Variants in CACNA2D1 observed in about 807,000 individuals in gnomAD.
CACNA2D1 encodes voltage-dependent calcium channel subunit alpha-2/delta-1.
Under a neutral mutation model 171.5 loss-of-function variants are expected in CACNA2D1, and 53 were observed. That is an observed-to-expected ratio of 0.31 (90% confidence interval 0.25 to 0.39). CACNA2D1 has a LOEUF of 0.39. CACNA2D1 is among the 10% of genes least tolerant of loss of function. The pLI is 1.00. For synonymous variants in CACNA2D1, 442 were observed against 443.1 expected (o/e 1.00, Z 0.03); for missense variants, 903 against 1,299.8 (o/e 0.69, Z 4.69).
intron 37 of CACNA2D1, 145 bp from the exon 38 acceptor site, chr7:81,959,502 T>C: frequency 2.6e-6 from 2 of 779,594 alleles, no homozygotes; most frequent in Non-Finnish European, 4.4e-6. Context: ...TACATAGGGA[T>C]TTAAAGAACT....
intron 1 of CACNA2D1, among the ~76,000 whole-genome samples, chr7:82,419,498 CA>C (rs1447971903): frequency 6.6e-6 from 1 of 152,148 alleles, no homozygotes; most frequent in Non-Finnish European, 1.5e-5. Flanking sequence ...TGTTTCACTG[CA>C]AAATTTTCCT....
chr7:82,178,725 C>G (rs1047887123), intron 3 of CACNA2D1, among the ~76,000 whole-genome samples: 1 of 152,086 alleles, frequency 6.6e-6, no homozygotes, highest in African/African-American at 2.4e-5. Flanking sequence ...TATAATTATC[C>G]TGAGACAACA....
At chr7:82,335,375 A>T in intron 2 of CACNA2D1, 124 bp from the exon 3 acceptor site, 1 of 693,844 alleles carries the variant, frequency 1.4e-6, no homozygotes, top group Non-Finnish European at 2.5e-6. Context: ...CTTTATCTTG[A>T]TCTTTTTGGA....
chr7:82,081,752 C>T (rs945162099), intron 7 of CACNA2D1, among the ~76,000 whole-genome samples: 3 of 152,128 alleles, frequency 2.0e-5, no homozygotes, highest in African/African-American at 4.8e-5. Context: ...CCGGGTTCAC[C>T]GCAGGAGACA....
intron 3 of CACNA2D1, among the ~76,000 whole-genome samples, chr7:82,235,155 A>T (rs972981161): frequency 1.3e-5 from 2 of 152,202 alleles, no homozygotes; most frequent in East Asian, 1.9e-4. Flanking sequence ...TTTTTTTTAA[A>T]ATTAAAATTA....
intron 4 of CACNA2D1, among the ~76,000 whole-genome samples, chr7:82,161,553 A>T (rs1584960833): frequency 6.6e-6 from 1 of 152,044 alleles, no homozygotes; most frequent in South Asian, 2.1e-4. Context: ...TTGCAGATTA[A>T]CTACATGTGG....
chr7:82,242,309 C>T lies in CACNA2D1; in HGVS notation c.295-71700G>A, dbSNP rs147946429. Among the ~76,000 whole-genome samples, 323 of 152,106 alleles carry T rather than the reference C, an allele frequency of 2.1e-3. 1 individual carries two copies. Among genetic ancestry groups the T allele is most frequent in the African/African-American group, 7.3e-3 (301 of 41,502 alleles). ...CAATATATTTTAATCAATTCTCTAG[C>T]CTATCTGAGACATATTCAGAAGAAA... On this transcript the variant is annotated intron_variant, in intron 3 of 38. Coordinates refer to ENST00000356860, the MANE Select transcript of CACNA2D1 (RefSeq NM_000722.4).
At chr7:82,397,920 G>T (rs759651422) in intron 1 of CACNA2D1, among the ~76,000 whole-genome samples, 1 of 152,050 alleles carries the variant, frequency 6.6e-6, no homozygotes, top group Non-Finnish European at 1.5e-5. Flanking sequence ...GGGGAAAAGA[G>T]CAAACTGGGT....
At chr7:82,093,158 A>T (rs921813406) in intron 6 of CACNA2D1, among the ~76,000 whole-genome samples, 7 of 152,194 alleles carry the variant, frequency 4.6e-5, no homozygotes, top group Non-Finnish European at 8.8e-5. Context: ...TCTTTCTGTC[A>T]GAAGTAACCA....
chr7:82,371,374 A>G (rs929507521), intron 1 of CACNA2D1, among the ~76,000 whole-genome samples: 2 of 152,200 alleles, frequency 1.3e-5, no homozygotes, highest in African/African-American at 4.8e-5. Flanking sequence ...TTTAAAAATT[A>G]GGCCAGTAAT....
chr7:82,206,635 TC>T (rs1800028038), intron 3 of CACNA2D1, among the ~76,000 whole-genome samples: 2 of 152,156 alleles, frequency 1.3e-5, no homozygotes, highest in African/African-American at 4.8e-5. Context: ...AGGCTTATTA[TC>T]TTTTTTCTAG....
chr7:82,104,824 T>C (rs559354288), intron 6 of CACNA2D1, among the ~76,000 whole-genome samples: 1 of 152,128 alleles, frequency 6.6e-6, no homozygotes, highest in Non-Finnish European at 1.5e-5. Context: ...GTGATGTGAC[T>C]ACAATATATC....
At chr7:82,243,148 T>C (rs932933729) in intron 3 of CACNA2D1, among the ~76,000 whole-genome samples, 3 of 152,196 alleles carry the variant, frequency 2.0e-5, no homozygotes, top group Non-Finnish European at 4.4e-5. Context: ...TTTTGTTTTA[T>C]AATGAAACCA....
chr7:82,221,892 A>G (rs376491231), intron 3 of CACNA2D1, among the ~76,000 whole-genome samples: 140 of 152,088 alleles, frequency 9.2e-4, no homozygotes, highest in African/African-American at 3.2e-3. Flanking sequence ...TGACATGAAG[A>G]AAAAAACTCA....
intron 1 of CACNA2D1, among the ~76,000 whole-genome samples, chr7:82,428,113 A>T (rs1188072339): frequency 1.3e-5 from 2 of 152,134 alleles, no homozygotes; most frequent in South Asian, 2.1e-4. Flanking sequence ...TAAATAAAAA[A>T]AAAACAAACA....
At chr7:82,059,923 A>C (rs1222697002) in intron 10 of CACNA2D1, among the ~76,000 whole-genome samples, 11 of 117,620 alleles carry the variant, frequency 9.4e-5, no homozygotes, top group Admixed American at 1.1e-4. Context: ...GCATGTTCTC[A>C]CTCATAGGTG....
chr7:82,348,258 C>T (rs1819467892), intron 2 of CACNA2D1, among the ~76,000 whole-genome samples: 1 of 152,140 alleles, frequency 6.6e-6, no homozygotes, highest in Admixed American at 6.6e-5. Context: ...TTCATAGAGG[C>T]TCACTTACTA....
intron 3 of CACNA2D1, among the ~76,000 whole-genome samples, chr7:82,328,085 T>C (rs1441052032): frequency 6.6e-6 from 1 of 152,140 alleles, no homozygotes; most frequent in Non-Finnish European, 1.5e-5. Context: ...TGTCACTGGG[T>C]AAACATGTCG....
At chr7:82,038,316 C>A in intron 10 of CACNA2D1, 81 bp from the exon 11 acceptor site, 2 of 1,240,492 alleles carry the variant, frequency 1.6e-6, no homozygotes. Flanking sequence ...GTTTGATACT[C>A]CTAAACGGTA....
Sources: allele counts gnomAD v4.1 joint callset (sites outside exome capture counted in the v4.1 genomes callset), GRCh38; gene constraint gnomAD v4.1.1; transcripts MANE v1.5; gene names NCBI Gene and HGNC (gene_info 2026-07-23, HGNC 2026-07-21).